TACR3: variants seen among roughly 807,000 people sequenced by gnomAD.
TACR3 encodes the protein tachykinin receptor 3.
TACR3 carries 34 observed loss-of-function variants against 35.0 expected under a neutral mutation model. That is an observed-to-expected ratio of 0.97 (90% CI 0.74 to 1.30). The LOEUF is 1.30. TACR3 is among the 50% of genes most tolerant of loss of function. TACR3 has a pLI of 0.00. For synonymous variants in TACR3, 233 were observed against 221.1 expected (o/e 1.05, Z -0.48); for missense variants, 558 against 591.7 (o/e 0.94, Z 0.59).
intron 1 of TACR3, among the ~76,000 whole-genome samples, chr4:103,668,114 G>A (rs956889605): frequency 6.6e-6 from 1 of 152,116 alleles, no homozygotes; most frequent in African/African-American, 2.4e-5. Flanking sequence ...CACCACACCT[G>A]GCCAGAAGAT....
chr4:103,595,994 T>A (rs1330359335), intron 3 of TACR3, among the ~76,000 whole-genome samples: 2 of 149,802 alleles, frequency 1.3e-5, no homozygotes, highest in Admixed American at 6.7e-5. Flanking sequence ...AGTGAGAATA[T>A]GTGGTGTTTG....
intron 1 of TACR3, among the ~76,000 whole-genome samples, chr4:103,703,882 C>A: frequency 6.6e-6 from 1 of 151,522 alleles, no homozygotes; most frequent in Non-Finnish European, 1.5e-5. Context: ...GGGCGGATCA[C>A]GAGGTCAGGA....
At chr4:103,614,994 A>ATGCCATTCTC (rs1291248319) in intron 3 of TACR3, among the ~76,000 whole-genome samples, 94 of 140,346 alleles carry the variant, frequency 6.7e-4, no homozygotes, top group African/African-American at 2.5e-3. Flanking sequence ...TCCCAGGTTC[A>ATGCCATTCTC]TGCCATTCTC....
At chr4:103,652,683 A>C (rs541293907) in intron 3 of TACR3, among the ~76,000 whole-genome samples, 2 of 151,984 alleles carry the variant, frequency 1.3e-5, no homozygotes, top group Non-Finnish European at 2.9e-5. Context: ...CTTATTATTA[A>C]GAGTCTGGCT....
At chr4:103,599,599 G>A (rs1190309939) in intron 3 of TACR3, among the ~76,000 whole-genome samples, 20 of 152,088 alleles carry the variant, frequency 1.3e-4, no homozygotes, top group Non-Finnish European at 1.5e-4. Context: ...GTTTGTCATA[G>A]ATAGCTCTTA....
At chr4:103,698,677 T>A (rs145779638) in intron 1 of TACR3, among the ~76,000 whole-genome samples, 58 of 152,174 alleles carry the variant, frequency 3.8e-4, no homozygotes, top group Middle Eastern at 3.4e-3. Context: ...GAACTAAAAA[T>A]TTTTAATAAT....
chr4:103,689,527 G>T (rs1722351332), intron 1 of TACR3, among the ~76,000 whole-genome samples: 1 of 148,136 alleles, frequency 6.8e-6, no homozygotes, highest in South Asian at 2.2e-4. Context: ...CAACTGAAAA[G>T]TATAACAACA....
At chr4:103,687,450 T>C (rs1484529682) in intron 1 of TACR3, among the ~76,000 whole-genome samples, 1 of 152,090 alleles carries the variant, frequency 6.6e-6, no homozygotes, top group Non-Finnish European at 1.5e-5. Flanking sequence ...AAAGAGGAAG[T>C]CAAATTGTCC....
chr4:103,659,594 T>C (rs1486251411), intron 1 of TACR3, among the ~76,000 whole-genome samples: 1 of 152,208 alleles, frequency 6.6e-6, no homozygotes, highest in Admixed American at 6.5e-5. Context: ...GAATTCATAC[T>C]GCCTCATGAA....
intron 3 of TACR3, among the ~76,000 whole-genome samples, chr4:103,634,325 A>C (rs981478451): frequency 2.0e-5 from 3 of 152,086 alleles, no homozygotes; most frequent in Non-Finnish European, 4.4e-5. Context: ...GTTCTGGCAA[A>C]ATGATTTTTC....
At chr4:103,595,200 G>T (rs1723979724) in intron 3 of TACR3, among the ~76,000 whole-genome samples, 1 of 152,158 alleles carries the variant, frequency 6.6e-6, no homozygotes, top group African/African-American at 2.4e-5. Context: ...GTGCAGGCAG[G>T]CTATGAACTG....
At chr4:103,660,759 A>G (rs1725825357) in intron 1 of TACR3, among the ~76,000 whole-genome samples, 1 of 152,122 alleles carries the variant, frequency 6.6e-6, no homozygotes, top group African/African-American at 2.4e-5. Flanking sequence ...TTAGGAAAAC[A>G]GTGTGAACTC....
chr4:103,589,483 TTTATTTTGGGTGGAGGCTAACATGTTA>T lies in TACR3; in HGVS notation c.*172_*198del, dbSNP rs1489632453. ...TTCAAAGAATAAATTTAAAGCCCAT[TTTATTTTGGGTGGAGGCTAACATGTTA>T]TTAGTGTCTTTGTCACATTTATACA... On this transcript the variant is annotated 3_prime_UTR_variant, in exon 5 of 5. Transcript: ENST00000304883. 118 of 575,712 alleles carry T rather than the reference TTTATTTTGGGTGGAGGCTAACATGTTA, an allele frequency of 2.0e-4. No homozygotes were observed. The highest frequency in any genetic ancestry group is 3.4e-4 in the Non-Finnish European group (112 of 331,070). The allele number at this position is 575,712 out of a possible 1,614,324, so 35.7% of individuals were successfully genotyped here.
At position 103,589,563 on chromosome 4, in the gene TACR3, C is replaced by T; in HGVS notation, c.*119G>A. 8.8e-7 allele frequency: 1 copy of T among 1,137,486 alleles called. No homozygotes were observed. Among genetic ancestry groups the T allele is most frequent in the Non-Finnish European group, 1.3e-6 (1 of 776,710 alleles). 70.5% of individuals were successfully genotyped at this position (1,137,486 alleles called of 1,614,324 possible). A position where few individuals can be genotyped will look rare whatever the true frequency, so the allele number is the denominator to read the frequency against. ...ACCTTTCTCAATTTGACCATAGCTG[C>T]CTAAAAATTGCTTTCTGTTTCTAGA... On this transcript the variant is annotated 3_prime_UTR_variant, in exon 5 of 5. Transcript: ENST00000304883.
intron 1 of TACR3, among the ~76,000 whole-genome samples, chr4:103,659,615 G>GT (rs1725797020): frequency 6.6e-6 from 1 of 152,042 alleles, no homozygotes; most frequent in South Asian, 2.1e-4. Flanking sequence ...CATCTTCATG[G>GT]TGCCTATCTG....
chr4:103,695,715 G>C (rs549575931), intron 1 of TACR3, among the ~76,000 whole-genome samples: 2,010 of 141,962 alleles, frequency 0.014, 19 homozygotes, highest in African/African-American at 0.025. Flanking sequence ...CTCTCTCTGT[G>C]TGTGTGTGTG....
At chr4:103,598,304 G>T (rs1004044167) in intron 3 of TACR3, among the ~76,000 whole-genome samples, 1 of 151,918 alleles carries the variant, frequency 6.6e-6, no homozygotes, top group African/African-American at 2.4e-5. Context: ...GAGGTTGTTT[G>T]TTTTTTTCTT....
chr4:103,636,858 G>A (rs903815762), intron 3 of TACR3, among the ~76,000 whole-genome samples: 1 of 152,010 alleles, frequency 6.6e-6, no homozygotes. Context: ...TAAATTCCTC[G>A]ACACATACAT....
chr4:103,591,447 G>A, intron 4 of TACR3, 40 bp downstream of exon 4: 1 of 1,601,938 alleles, frequency 6.2e-7, no homozygotes, highest in Non-Finnish European at 8.6e-7. Context: ...AGTGAAGGTG[G>A]GTGTGACAAG....
Sources: gnomAD v4.1 joint callset for allele counts (sites outside exome capture counted in the v4.1 genomes callset) on GRCh38, gnomAD v4.1.1 for gene constraint, MANE v1.5 for transcripts, NCBI Gene and HGNC (gene_info 2026-07-23, HGNC 2026-07-21) for gene names.